The following PPP6R3 variants were observed in gnomAD, a reference collection of about 807,000 sequenced individuals.
The protein encoded by PPP6R3 is serine/threonine-protein phosphatase 6 regulatory subunit 3.
A neutral mutation model predicts 110.7 loss-of-function variants in PPP6R3; 38 were observed. The ratio of observed to expected loss-of-function variants is 0.34; its 90% confidence interval spans 0.26 to 0.45. The LOEUF is 0.45. Ranked by LOEUF, PPP6R3 falls within the 20% of genes least tolerant of loss-of-function variation. PPP6R3 has a pLI of 1.00. For missense variants in PPP6R3, 870 were observed against 1,062.4 expected, an observed-to-expected ratio of 0.82 and a Z score of 2.52; for synonymous variants, 369 against 373.5, an observed-to-expected ratio of 0.99 and a Z score of 0.14.
intron 1 of PPP6R3, among the ~76,000 whole-genome samples, chr11:68,472,432 C>G (rs1158808843): frequency 6.6e-6 from 1 of 152,128 alleles, no homozygotes; most frequent in Admixed American, 6.6e-5. Context: ...GGGTACCACC[C>G]ATGTAGAGAA....
rs546160718 is a variant in PPP6R3 at position 68,585,757 on chromosome 11, A to G, written c.1633-2170A>G. 3.9e-5 allele frequency among the ~76,000 whole-genome samples: 6 copies of G among 152,292 alleles called. No homozygotes were observed. In the East Asian group the frequency reaches 1.2e-3, roughly 29 times the overall value. On this transcript the variant is annotated intron_variant, in intron 15 of 23. Transcript: ENST00000393800. ...TGTGCATTATTGCATGGAAGTTACT[A>G]GTGTCTGTGTCAGTTGCTATGTATC...
At chr11:68,508,734 AT>A (rs1161582781) in intron 1 of PPP6R3, among the ~76,000 whole-genome samples, 1 of 152,174 alleles carries the variant, frequency 6.6e-6, no homozygotes, top group Non-Finnish European at 1.5e-5. Flanking sequence ...TATTGGTGTT[AT>A]CAGAGTCAGC....
intron 2 of PPP6R3, 116 bp downstream of exon 2, chr11:68,519,767 G>C (rs2099154443): frequency 7.6e-6 from 3 of 393,798 alleles, no homozygotes; most frequent in African/African-American, 6.2e-5. Context: ...GTCTCTCTGA[G>C]CTAGGTACAA....
Position 68,614,796 on chromosome 11 carries a change from A to G in PPP6R3, c.*1679A>G. On this transcript the variant is annotated 3_prime_UTR_variant, in exon 24 of 24. Coordinates refer to ENST00000393800, the MANE Select transcript of PPP6R3 (RefSeq NM_001164161.2). ...TCCTTGGGCCTCCTCTGGAAGCAGC[A>G]CCCCCAGAGGACAGGGCTCCTCCTG... 1 of 1,506,160 alleles carries G rather than the reference A, an allele frequency of 6.6e-7. No homozygotes were observed. The highest frequency in any genetic ancestry group is 9.0e-7 in the Non-Finnish European group (1 of 1,108,694). The allele number at this position is 1,506,160 out of a possible 1,614,324, so 93.3% of individuals were successfully genotyped here.
chr11:68,602,110 A>AT, intron 21 of PPP6R3, 141 bp downstream of exon 21: 1 of 610,288 alleles, frequency 1.6e-6, no homozygotes, highest in Non-Finnish European at 2.8e-6. Context: ...GATGAAAGAA[A>AT]TTGTGCCTGT....
intron 14 of PPP6R3, among the ~76,000 whole-genome samples, chr11:68,578,759 G>A (rs192154438): frequency 9.9e-4 from 151 of 152,208 alleles, no homozygotes; most frequent in Non-Finnish European, 1.8e-3. Context: ...TGAGATACTC[G>A]AAGTGCTTTA....
At chr11:68,582,504 G>A (rs1011656626) in intron 14 of PPP6R3, among the ~76,000 whole-genome samples, 4 of 152,174 alleles carry the variant, frequency 2.6e-5, no homozygotes, top group African/African-American at 4.8e-5. Flanking sequence ...TTTTGTGAGT[G>A]GGAAGCTGTC....
At chr11:68,470,776 G>A (rs2098785640) in intron 1 of PPP6R3, among the ~76,000 whole-genome samples, 1 of 152,164 alleles carries the variant, frequency 6.6e-6, no homozygotes, top group South Asian at 2.1e-4. Flanking sequence ...GGGTGTGAGA[G>A]AGGAGTAAAG....
intron 6 of PPP6R3, 106 bp from the exon 7 acceptor site, chr11:68,554,039 G>T (rs1022963150): frequency 1.2e-6 from 1 of 803,746 alleles, no homozygotes. Flanking sequence ...GAAGCTTATG[G>T]CCAGTGTTAA....
At chr11:68,497,853 C>T (rs905291270) in intron 1 of PPP6R3, among the ~76,000 whole-genome samples, 7 of 152,086 alleles carry the variant, frequency 4.6e-5, no homozygotes, top group African/African-American at 1.7e-4. Context: ...CAAAGATTAA[C>T]TCCTGTGTTT....
At chr11:68,492,128 A>G (rs185960842) in intron 1 of PPP6R3, among the ~76,000 whole-genome samples, 1 of 152,106 alleles carries the variant, frequency 6.6e-6, no homozygotes, top group South Asian at 2.1e-4. Context: ...AGGTTTACTC[A>G]TGTTGTAGGA....
At chr11:68,580,746 CTTTTTTTTTTTTTTTTTTTTTT>C (rs71043441) in intron 14 of PPP6R3, among the ~76,000 whole-genome samples, 5 of 67,526 alleles carry the variant, frequency 7.4e-5, no homozygotes, top group African/African-American at 1.0e-4. Flanking sequence ...GGTAAATAAT[CTTTTTTTTTTTTTTTTTTTTTT>C]TTTTTTTTTT....
chr11:68,561,279 T>C (rs1480389268), intron 8 of PPP6R3, among the ~76,000 whole-genome samples: 1 of 152,204 alleles, frequency 6.6e-6, no homozygotes, highest in Non-Finnish European at 1.5e-5. Flanking sequence ...TTCCACCTTT[T>C]TTTAGAGATG....
At chr11:68,461,637 T>C (rs1373842078) in intron 1 of PPP6R3, among the ~76,000 whole-genome samples, 1 of 152,106 alleles carries the variant, frequency 6.6e-6, no homozygotes, top group Admixed American at 6.5e-5. Flanking sequence ...GTGAACGGGA[T>C]GGGTCTTTGG....
chr11:68,585,413 G>A (rs930230212), intron 15 of PPP6R3, among the ~76,000 whole-genome samples: 7 of 152,196 alleles, frequency 4.6e-5, no homozygotes, highest in South Asian at 2.1e-4. Flanking sequence ...ACTGTTAAGA[G>A]ATTTGCTTAA....
chr11:68,548,922 ACT>A (rs904758122), intron 5 of PPP6R3, among the ~76,000 whole-genome samples: 16 of 151,622 alleles, frequency 1.1e-4, no homozygotes, highest in African/African-American at 3.6e-4. Flanking sequence ...TGGGAGTCTC[ACT>A]CTGTCGCCCA....
intron 14 of PPP6R3, 123 bp downstream of exon 14, chr11:68,576,166 C>T (rs2099530633): frequency 4.3e-6 from 3 of 699,084 alleles, no homozygotes; most frequent in South Asian, 2.1e-5. Flanking sequence ...AAATTCTTAT[C>T]TCTTTACCAG....
intron 1 of PPP6R3, among the ~76,000 whole-genome samples, chr11:68,474,060 T>G (rs1330358299): frequency 1.5e-4 from 21 of 138,024 alleles, no homozygotes; most frequent in South Asian, 8.9e-4. Flanking sequence ...TTTTTTTTTT[T>G]GAGACAAGGT....
intron 1 of PPP6R3, among the ~76,000 whole-genome samples, chr11:68,469,121 G>A (rs1351584790): frequency 6.6e-6 from 1 of 152,186 alleles, no homozygotes; most frequent in African/African-American, 2.4e-5. Context: ...AGGCATTGGA[G>A]GCTAAATGGT....
Sources: gnomAD v4.1 joint callset for allele counts (sites outside exome capture counted in the v4.1 genomes callset) on GRCh38, gnomAD v4.1.1 for gene constraint, MANE v1.5 for transcripts, NCBI Gene and HGNC (gene_info 2026-07-23, HGNC 2026-07-21) for gene names.